Variants in FRMPD4 observed in about 807,000 individuals in gnomAD.
The protein encoded by FRMPD4 is FERM and PDZ domain-containing protein 4.
FRMPD4 carries 22 observed loss-of-function variants against 94.1 expected under a neutral mutation model. The observed-to-expected ratio is 0.23, with a 90% CI of 0.17 to 0.33. FRMPD4 has a LOEUF of 0.33. Among genes scored for constraint, FRMPD4 ranks in the 10% least tolerant of loss-of-function variants. The probability of loss-of-function intolerance (pLI) is 1.00; values close to 1 mark genes in which losing one functional copy is unlikely to be tolerated. For synonymous variants in FRMPD4, 631 were observed against 548.6 expected, an observed-to-expected ratio of 1.15 and a Z score of -2.10; for missense variants, 1,111 against 1,339.9, an observed-to-expected ratio of 0.83 and a Z score of 2.67.
chrX:12,488,948 G>T (rs189291005), intron 1 of FRMPD4, among the ~76,000 whole-genome samples: 22 of 112,261 alleles, frequency 2.0e-4, no homozygotes, highest in African/African-American at 6.8e-4. Context: ...ATGAAGTTTT[G>T]TTGGAACACA....
Position 12,709,741 on chromosome X carries a change from T to C in FRMPD4, c.1471-658T>C, listed in dbSNP as rs538338889. ...GGTAACTGGTAACTTAACTAGTTAATGTTAATTTACCAGTTTAACATGTTT... is the reference window on the plus strand; with the variant it reads ...GGTAACTGGTAACTTAACTAGTTAACGTTAATTTACCAGTTTAACATGTTT... On this transcript the variant is annotated intron_variant, in intron 13 of 16. Coordinates refer to ENST00000675598, the MANE Select transcript of FRMPD4 (RefSeq NM_001368397.1). Among the ~76,000 whole-genome samples the C allele has an allele frequency of 2.1e-4, 24 of 112,638 alleles. No homozygotes were observed. The South Asian group carries it at 8.1e-3, about 38-fold the overall frequency.
intron 3 of FRMPD4, among the ~76,000 whole-genome samples, chrX:11,882,021 A>G (rs2053816592): frequency 8.9e-6 from 1 of 111,777 alleles, no homozygotes; most frequent in Non-Finnish European, 1.9e-5. Flanking sequence ...GACCCAGGCC[A>G]GTTGCTTTTG....
chrX:12,551,641 C>T lies in FRMPD4; in HGVS notation c.158+52845C>T, dbSNP rs780183621. On this transcript the variant is annotated intron_variant, in intron 2 of 16. Transcript: ENST00000675598. ...GTAGGTTTTTATCTCTGGATTTTAT[C>T]TCATACCCATGGTGTTATTTAGCAT... Among the ~76,000 whole-genome samples, 19 of 111,309 alleles carry T rather than the reference C, an allele frequency of 1.7e-4. No homozygotes were observed. The East Asian group carries it at 5.3e-3, about 31-fold the overall frequency.
At chrX:11,850,340 A>C (rs768173860) in intron 1 of FRMPD4, among the ~76,000 whole-genome samples, 99 of 112,728 alleles carry the variant, frequency 8.8e-4, no homozygotes, top group Non-Finnish European at 1.4e-3. Context: ...ATTCTTTTGC[A>C]CTGTTAGTGG....
chrX:12,704,156 T>A (rs982315082), intron 10 of FRMPD4, among the ~76,000 whole-genome samples: 1 of 112,574 alleles, frequency 8.9e-6, no homozygotes, highest in Non-Finnish European at 1.9e-5. Context: ...GGAACAGATT[T>A]CTTTTTAAAT....
At chrX:12,128,432 C>T (rs745556385) in intron 3 of FRMPD4, among the ~76,000 whole-genome samples, 41 of 112,109 alleles carry the variant, frequency 3.7e-4, no homozygotes, top group African/African-American at 8.7e-4. Flanking sequence ...GCACCATGTC[C>T]GGAGTCTGCA....
chrX:11,832,705 G>A, intron 1 of FRMPD4, among the ~76,000 whole-genome samples: 1 of 111,503 alleles, frequency 9.0e-6, no homozygotes, highest in African/African-American at 3.3e-5. Context: ...ACCATTTTAG[G>A]TTCACAGCAA....
intron 2 of FRMPD4, among the ~76,000 whole-genome samples, chrX:11,873,945 C>T (rs1371305163): frequency 9.0e-6 from 1 of 110,730 alleles, no homozygotes; most frequent in Non-Finnish European, 1.9e-5. Context: ...ACTTGGGAGG[C>T]TGAGTCTCCA....
chrX:12,711,889 G>T (rs1441967633), intron 14 of FRMPD4, among the ~76,000 whole-genome samples: 1 of 109,406 alleles, frequency 9.1e-6, no homozygotes, highest in Non-Finnish European at 1.9e-5. Context: ...ACTGCAATAT[G>T]TAGACACACT....
chrX:12,018,402 T>A (rs73632664), intron 3 of FRMPD4, among the ~76,000 whole-genome samples: 6,130 of 108,882 alleles, frequency 0.056, 458 homozygotes, highest in African/African-American at 0.19. Flanking sequence ...TTTCCCCTTC[T>A]TTTTTTTTGT....
intron 1 of FRMPD4, among the ~76,000 whole-genome samples, chrX:12,203,779 C>A (rs1310622093): frequency 9.0e-6 from 1 of 111,571 alleles, no homozygotes; most frequent in East Asian, 2.8e-4. Context: ...CATTTTTTTC[C>A]CCCAGGACAA....
At chrX:12,102,617 T>G (rs762277125) in intron 3 of FRMPD4, among the ~76,000 whole-genome samples, 1 of 111,597 alleles carries the variant, frequency 9.0e-6, no homozygotes, top group African/African-American at 3.3e-5. Flanking sequence ...TTCCCAGTCA[T>G]ACTGTGTGCT....
chrX:12,449,258 G>A (rs2057236607), intron 1 of FRMPD4, among the ~76,000 whole-genome samples: 1 of 112,083 alleles, frequency 8.9e-6, no homozygotes, highest in Non-Finnish European at 1.9e-5. Context: ...TCCCAACTGG[G>A]CAACTGTGGA....
intron 4 of FRMPD4, among the ~76,000 whole-genome samples, chrX:12,654,835 G>C (rs757675596): frequency 8.9e-6 from 1 of 112,160 alleles, no homozygotes; most frequent in Non-Finnish European, 1.9e-5. Flanking sequence ...ACCCATTTCT[G>C]AATTCTACAG....
At chrX:12,205,620 T>C (rs1024388485) in intron 1 of FRMPD4, among the ~76,000 whole-genome samples, 3 of 111,919 alleles carry the variant, frequency 2.7e-5, no homozygotes, top group Non-Finnish European at 5.6e-5. Context: ...AAAAGCTCTT[T>C]TAAGATGACT....
chrX:12,460,606 GT>G (rs2057381137), intron 1 of FRMPD4, among the ~76,000 whole-genome samples: 1 of 112,120 alleles, frequency 8.9e-6, no homozygotes, highest in Non-Finnish European at 1.9e-5. Context: ...TTGTATTTGG[GT>G]TTCCCCCAAA....
chrX:12,539,499 A>C (rs1211207051), intron 2 of FRMPD4, among the ~76,000 whole-genome samples: 2 of 112,104 alleles, frequency 1.8e-5, no homozygotes, highest in Non-Finnish European at 3.8e-5. Context: ...GATTCACCAA[A>C]GTTGAAATGA....
chrX:12,595,982 T>C (rs2059026812), intron 2 of FRMPD4, among the ~76,000 whole-genome samples: 1 of 112,542 alleles, frequency 8.9e-6, no homozygotes, highest in African/African-American at 3.2e-5. Flanking sequence ...AGTCATCAAA[T>C]TGTTTATCAT....
chrX:12,016,596 G>T (rs752549285), intron 3 of FRMPD4, among the ~76,000 whole-genome samples: 2 of 111,591 alleles, frequency 1.8e-5, no homozygotes, highest in African/African-American at 6.5e-5. Flanking sequence ...GCAAAGGAAG[G>T]TTAGCTAAAG....
Sources: gnomAD v4.1 joint callset for allele counts (sites outside exome capture counted in the v4.1 genomes callset) on GRCh38, gnomAD v4.1.1 for gene constraint, MANE v1.5 for transcripts, NCBI Gene and HGNC (gene_info 2026-07-23, HGNC 2026-07-21) for gene names.